The following SYNE2 variants were observed in gnomAD, a reference collection of about 807,000 sequenced individuals.
The protein encoded by SYNE2 is spectrin repeat containing nuclear envelope protein 2.
A neutral mutation model predicts 856.3 loss-of-function variants in SYNE2; 431 were observed. The observed-to-expected ratio is 0.50, with a 90% CI of 0.47 to 0.55. The LOEUF is 0.55. Ranked by LOEUF, SYNE2 falls within the 20% of genes least tolerant of loss-of-function variation. The pLI, the probability that SYNE2 is intolerant of heterozygous loss-of-function variation, is 0.00. For synonymous variants in SYNE2, 2,923 were observed against 2,872.3 expected (o/e 1.02, Z -0.56); for missense variants, 8,129 against 8,023.2 (o/e 1.01, Z -0.50).
At chr14:64,221,998 C>T (rs1027396905) in intron 112 of SYNE2, among the ~76,000 whole-genome samples, 1 of 152,186 alleles carries the variant, frequency 6.6e-6, no homozygotes, top group African/African-American at 2.4e-5. Flanking sequence ...ATTTTTCTCT[C>T]GTGAATCCTG....
intron 48 of SYNE2, among the ~76,000 whole-genome samples, 170 bp downstream of exon 48, chr14:64,053,827 G>A (rs1365472966): frequency 6.6e-6 from 1 of 152,092 alleles, no homozygotes. Flanking sequence ...AAATTAGCTG[G>A]GTATGGTGGC....
intron 8 of SYNE2, among the ~76,000 whole-genome samples, chr14:63,957,240 G>A (rs1256386379): frequency 6.7e-6 from 1 of 149,792 alleles, no homozygotes; most frequent in African/African-American, 2.5e-5. Context: ...TGGGACTACA[G>A]GTGTGCGCCA....
At chr14:64,159,106 A>G (rs1301173629) in intron 86 of SYNE2, among the ~76,000 whole-genome samples, 1 of 151,902 alleles carries the variant, frequency 6.6e-6, no homozygotes, top group Non-Finnish European at 1.5e-5. Flanking sequence ...CCTAAGTGCT[A>G]AGTACTTTAT....
chr14:63,914,292 T>C (rs1192301808), intron 2 of SYNE2, among the ~76,000 whole-genome samples: 2 of 152,212 alleles, frequency 1.3e-5, no homozygotes, highest in Non-Finnish European at 2.9e-5. Flanking sequence ...TTAAATGGGA[T>C]TTTCTTTGCA....
At position 64,195,592 on chromosome 14, in the gene SYNE2, A is replaced by G. The variant is rs533817822; in HGVS notation, c.18038+5355A>G. On this transcript the variant is annotated intron_variant, in intron 99 of 115. Transcript: ENST00000555002. Reference sequence around the variant, plus strand: ...GCCTACCAACCTGAAAAGCTCACCTACTTTATAGTAGTGGCAATTAAAATG... The same window carrying G: ...GCCTACCAACCTGAAAAGCTCACCTGCTTTATAGTAGTGGCAATTAAAATG... Among the ~76,000 whole-genome samples, 6 of 152,334 alleles carry G rather than the reference A, an allele frequency of 3.9e-5. No individual in the cohort carries two copies. In the South Asian group the frequency reaches 1.2e-3, roughly 32 times the overall value.
chr14:64,075,255 G>A (rs1420226634), intron 53 of SYNE2, among the ~76,000 whole-genome samples: 2 of 152,196 alleles, frequency 1.3e-5, no homozygotes, highest in African/African-American at 4.8e-5. Flanking sequence ...GTCAAGTCAA[G>A]AAGTATTTTT....
chr14:63,933,140 C>T (rs1019134409), intron 2 of SYNE2, among the ~76,000 whole-genome samples: 3 of 152,078 alleles, frequency 2.0e-5, no homozygotes, highest in Non-Finnish European at 4.4e-5. Context: ...GAGAAGAGGT[C>T]GCAAGGCTTC....
rs753257077 is a variant in SYNE2 at position 64,126,495 on chromosome 14, C to T, written c.13707+16C>T. 34 of 1,613,996 alleles carry T rather than the reference C, an allele frequency of 2.1e-5. No individual in the cohort carries two copies. Among genetic ancestry groups the T allele is most frequent in the Admixed American group, 1.2e-4 (7 of 59,992 alleles). On this transcript the variant is annotated intron_variant, in intron 72 of 115. Coordinates refer to ENST00000555002, the MANE Select transcript of SYNE2 (RefSeq NM_182914.3). ...GCACTACGAGGTAGGGCACTTCTCACGAGCCCATGTGTTGGCCATTACAGC... is the reference window on the plus strand; with the variant it reads ...GCACTACGAGGTAGGGCACTTCTCATGAGCCCATGTGTTGGCCATTACAGC...
intron 73 of SYNE2, among the ~76,000 whole-genome samples, chr14:64,127,203 G>T (rs1482902229): frequency 6.6e-6 from 1 of 152,076 alleles, no homozygotes; most frequent in African/African-American, 2.4e-5. Context: ...AGAAGTTGCA[G>T]TGAGCTGAGA....
intron 2 of SYNE2, among the ~76,000 whole-genome samples, chr14:63,922,767 A>AT (rs1396938662): frequency 2.0e-5 from 3 of 152,212 alleles, no homozygotes; most frequent in African/African-American, 7.2e-5. Flanking sequence ...TGTCCGATCT[A>AT]TTTAGACAAG....
chr14:63,981,763 G>T (rs1001625851), intron 16 of SYNE2, among the ~76,000 whole-genome samples: 1 of 152,148 alleles, frequency 6.6e-6, no homozygotes, highest in Non-Finnish European at 1.5e-5. Context: ...CTCTGTTGCA[G>T]ATGGCTATAG....
chr14:63,809,908 AG>A (rs1257338948), intron 1 of SYNE2, among the ~76,000 whole-genome samples: 2 of 152,356 alleles, frequency 1.3e-5, no homozygotes, highest in Non-Finnish European at 2.9e-5. Flanking sequence ...AAATCTCAAA[AG>A]AATCCATTCT....
intron 84 of SYNE2, among the ~76,000 whole-genome samples, chr14:64,150,357 C>G (rs941988963): frequency 1.4e-5 from 2 of 141,872 alleles, no homozygotes; most frequent in Admixed American, 7.1e-5. Context: ...GTAGCTGGGA[C>G]TGTAGGCGTG....
In SYNE2 at chr14:64,162,432, G is replaced by C. The variant is rs376994642; in HGVS notation, c.16299+156G>C. 112 of 794,418 alleles carry C rather than the reference G, an allele frequency of 1.4e-4. 1 individual carries two copies. The South Asian group carries it at 1.5e-3, about 11-fold the overall frequency. The allele number at this position is 794,418 out of a possible 1,614,324, so 49.2% of individuals were successfully genotyped here. On this transcript the variant is annotated intron_variant, in intron 88 of 115. Coordinates refer to ENST00000555002, the MANE Select transcript of SYNE2 (RefSeq NM_182914.3). ...TGTAGGACATAGGCAAGGCTGGGAG[G>C]ACCAGGTGGTGGCTCAGAGGTGACG...
At position 64,170,322 on chromosome 14, in the gene SYNE2, G is replaced by C; in HGVS notation, c.17095G>C (p.Val5699Leu). The C allele has an allele frequency of 6.2e-7, 1 of 1,614,172 alleles. No individual in the cohort carries two copies. The highest frequency in any genetic ancestry group is 8.5e-7 in the Non-Finnish European group (1 of 1,180,026). ...RQRKGDVDGL[V>L]RQWQDFTTSV... ...GAGGAAGGGTGACGTTGATGGGCTG[G>C]TGAGGCAGTGGCAAGATTTCACTAC... The change falls in exon 94 of 116, where the codon GTG (valine) becomes CTG (leucine). Residue 5699 changes from valine (V) to leucine (L), a missense_variant. Transcript: ENST00000555002.
chr14:64,089,200 T>C (rs572376515), intron 58 of SYNE2, among the ~76,000 whole-genome samples: 1 of 151,438 alleles, frequency 6.6e-6, no homozygotes, highest in Admixed American at 6.6e-5. Context: ...ACTCCGTCTC[T>C]ACTAAAAATA....
At chr14:64,184,459 G>A (rs1443683497) in intron 96 of SYNE2, among the ~76,000 whole-genome samples, 1 of 152,032 alleles carries the variant, frequency 6.6e-6, no homozygotes, top group Non-Finnish European at 1.5e-5. Flanking sequence ...TACACTTTCC[G>A]ATTGTCAATA....
At chr14:63,967,183 A>G (rs1359955569) in intron 10 of SYNE2, among the ~76,000 whole-genome samples, 1 of 152,212 alleles carries the variant, frequency 6.6e-6, no homozygotes, top group Non-Finnish European at 1.5e-5. Flanking sequence ...TTAAATACCC[A>G]TATTTCACAC....
At chr14:64,219,104 G>GTTTGTTTT in intron 109 of SYNE2, 104 bp from the exon 110 acceptor site, 1 of 407,786 alleles carries the variant, frequency 2.5e-6, no homozygotes. Flanking sequence ...CAGTTTTTTT[G>GTTTGTTTT]TTTTTTTTTT....
Sources: gnomAD v4.1 joint callset for allele counts (sites outside exome capture counted in the v4.1 genomes callset) on GRCh38, gnomAD v4.1.1 for gene constraint, MANE v1.5 for transcripts, NCBI Gene and HGNC (gene_info 2026-07-23, HGNC 2026-07-21) for gene names.